Variants in ULK4 observed in about 807,000 individuals in gnomAD.
The protein encoded by ULK4 is inactive serine/threonine-protein kinase ULK4.
Under a neutral mutation model 160.6 loss-of-function variants are expected in ULK4, and 133 were observed. That is an observed-to-expected ratio of 0.83 (90% confidence interval 0.72 to 0.96). The LOEUF (loss-of-function observed/expected upper bound fraction) is 0.96, where lower values mean the gene tolerates loss of function less well. Ranked by LOEUF, ULK4 falls within the 40% of genes least tolerant of loss-of-function variation. The probability of loss-of-function intolerance (pLI) is 0.00; values close to 1 mark genes in which losing one functional copy is unlikely to be tolerated. For missense variants in ULK4, 1,580 were observed against 1,499.5 expected, an observed-to-expected ratio of 1.05 and a Z score of -0.89; for synonymous variants, 534 against 539.8, an observed-to-expected ratio of 0.99 and a Z score of 0.15.
chr3:41,683,746 A>ACACC (rs2036001240), intron 27 of ULK4, among the ~76,000 whole-genome samples: 1 of 151,950 alleles, frequency 6.6e-6, no homozygotes, highest in Non-Finnish European at 1.5e-5. Context: ...ACCTCAATAG[A>ACACC]CACCCACGCA....
chr3:41,470,622 C>A (rs2083966565), intron 32 of ULK4, among the ~76,000 whole-genome samples: 2 of 151,824 alleles, frequency 1.3e-5, no homozygotes, highest in African/African-American at 4.8e-5. Flanking sequence ...TGTGAGGGTT[C>A]CAAGGAAAAA....
At chr3:41,412,583 CAG>C (rs1244938140) in intron 34 of ULK4, among the ~76,000 whole-genome samples, 1 of 81,114 alleles carries the variant, frequency 1.2e-5, no homozygotes. Context: ...TTTTTTGAGA[CAG>C]AGTCTCGCTC....
Position 41,961,652 on chromosome 3 carries a change from C to G in ULK4, c.-49+364G>C, listed in dbSNP as rs536764713. Among the ~76,000 whole-genome samples, 8 of 151,718 alleles carry G rather than the reference C, an allele frequency of 5.3e-5. No individual in the cohort carries two copies. In the South Asian group the frequency reaches 1.5e-3, roughly 28 times the overall value. On this transcript the variant is annotated intron_variant, in intron 1 of 36. Coordinates refer to ENST00000301831, the MANE Select transcript of ULK4 (RefSeq NM_017886.4). ...CGTAGGCATCAGTCCGCGAGACCGGCTGGGAGCCTAGGAAGCGCTGCAGGG... is the reference window on the plus strand; with the variant it reads ...CGTAGGCATCAGTCCGCGAGACCGGGTGGGAGCCTAGGAAGCGCTGCAGGG...
intron 17 of ULK4, among the ~76,000 whole-genome samples, chr3:41,878,926 A>G (rs1697411249): frequency 1.4e-5 from 1 of 71,830 alleles, no homozygotes; most frequent in Non-Finnish European, 4.7e-5. Flanking sequence ...AAAGTACTGA[A>G]TCAAGGGTCC....
chr3:41,947,488 G>C (rs1700149108), intron 2 of ULK4, among the ~76,000 whole-genome samples: 1 of 152,070 alleles, frequency 6.6e-6, no homozygotes, highest in Admixed American at 6.6e-5. Context: ...TATTTTCTCG[G>C]CTTACCCTGC....
chr3:41,323,989 TTC>T (rs1223686657), intron 35 of ULK4, among the ~76,000 whole-genome samples: 1 of 152,188 alleles, frequency 6.6e-6, no homozygotes, highest in African/African-American at 2.4e-5. Context: ...CCAGCAGCAT[TTC>T]TGTTATTTCA....
intron 34 of ULK4, among the ~76,000 whole-genome samples, chr3:41,412,448 T>C (rs1388163333): frequency 6.6e-6 from 1 of 150,674 alleles, no homozygotes; most frequent in Non-Finnish European, 1.5e-5. Flanking sequence ...AAGTTTCATA[T>C]GGAAATGTAA....
At chr3:41,412,855 C>G (rs1180870975) in intron 34 of ULK4, among the ~76,000 whole-genome samples, 1 of 152,036 alleles carries the variant, frequency 6.6e-6, no homozygotes, top group African/African-American at 2.4e-5. Flanking sequence ...ACCACTGTGC[C>G]TGGCCAAGAG....
At chr3:41,495,292 A>G (rs1007884467) in intron 32 of ULK4, among the ~76,000 whole-genome samples, 5 of 152,090 alleles carry the variant, frequency 3.3e-5, no homozygotes, top group African/African-American at 9.7e-5. Context: ...CAACTGTATG[A>G]TCTCTGACAA....
At chr3:41,860,727 T>C (rs1190012852) in intron 17 of ULK4, among the ~76,000 whole-genome samples, 4 of 152,230 alleles carry the variant, frequency 2.6e-5, no homozygotes, top group Admixed American at 1.3e-4. Context: ...AATGTTATTA[T>C]TGATAAGTAA....
chr3:41,261,580 T>C (rs1346064489), intron 35 of ULK4, among the ~76,000 whole-genome samples: 1 of 152,144 alleles, frequency 6.6e-6, no homozygotes, highest in Admixed American at 6.5e-5. Flanking sequence ...TGCCTACATG[T>C]TGTGTTATCT....
intron 35 of ULK4, among the ~76,000 whole-genome samples, chr3:41,388,210 T>C (rs2125803517): frequency 6.6e-6 from 1 of 152,294 alleles, no homozygotes; most frequent in South Asian, 2.1e-4. Context: ...CACCCACTTG[T>C]TGATGGGGTT....
At chr3:41,458,834 C>T (rs1285473596) in intron 33 of ULK4, among the ~76,000 whole-genome samples, 2 of 149,874 alleles carry the variant, frequency 1.3e-5, no homozygotes, top group African/African-American at 4.9e-5. Context: ...CGGCTTAGTG[C>T]AACCTCTGCC....
At chr3:41,284,307 A>G (rs2079418799) in intron 35 of ULK4, among the ~76,000 whole-genome samples, 3 of 152,228 alleles carry the variant, frequency 2.0e-5, no homozygotes, top group Admixed American at 1.3e-4. Context: ...AGCAAAGAGA[A>G]CAAATGTGGA....
At position 41,952,530 on chromosome 3, in the gene ULK4, C is replaced by T. The variant is rs1418463630; in HGVS notation, c.138+2092G>A. Among the ~76,000 whole-genome samples the T allele has an allele frequency of 2.0e-5, 3 of 152,034 alleles. No individual in the cohort carries two copies. In the East Asian group the frequency reaches 5.8e-4, roughly 29 times the overall value. ...AAAACAACAATGAGATACCACCTCA[C>T]ACCCATTAGGATGGTTACTGTCAAA... On this transcript the variant is annotated intron_variant, in intron 2 of 36. Transcript: ENST00000301831.
chr3:41,306,105 C>A (rs1321987366), intron 35 of ULK4, among the ~76,000 whole-genome samples: 7 of 140,216 alleles, frequency 5.0e-5, no homozygotes, highest in African/African-American at 1.7e-4. Context: ...TCCGCCCGGC[C>A]GCCACCCCGT....
At chr3:41,402,029 C>T (rs2082191798) in intron 34 of ULK4, among the ~76,000 whole-genome samples, 1 of 152,158 alleles carries the variant, frequency 6.6e-6, no homozygotes, top group Admixed American at 6.5e-5. Context: ...TTCATGGTTG[C>T]AAACTTCCTT....
At chr3:41,803,466 T>C (rs1182771185) in intron 19 of ULK4, among the ~76,000 whole-genome samples, 2 of 152,118 alleles carry the variant, frequency 1.3e-5, no homozygotes, top group Admixed American at 1.3e-4. Context: ...CACGTTGCAG[T>C]AGGCAAAGCT....
At chr3:41,370,637 T>C (rs922492412) in intron 35 of ULK4, among the ~76,000 whole-genome samples, 1 of 152,226 alleles carries the variant, frequency 6.6e-6, no homozygotes, top group African/African-American at 2.4e-5. Context: ...CCAGATACTA[T>C]GCTTTCCCCA....
Sources: allele counts gnomAD v4.1 joint callset (sites outside exome capture counted in the v4.1 genomes callset), GRCh38; gene constraint gnomAD v4.1.1; transcripts MANE v1.5; gene names NCBI Gene and HGNC (gene_info 2026-07-23, HGNC 2026-07-21).